Variants in GCN1 observed in about 807,000 individuals in gnomAD.
GCN1 encodes stalled ribosome sensor GCN1.
GCN1 carries 90 observed loss-of-function variants against 288.4 expected under a neutral mutation model. The ratio of observed to expected loss-of-function variants is 0.31; its 90% CI spans 0.26 to 0.37. The LOEUF (loss-of-function observed/expected upper bound fraction) is 0.37. Among genes scored for constraint, GCN1 ranks in the 10% least tolerant of loss-of-function variants. GCN1 has a pLI of 1.00. For missense variants in GCN1, 2,586 were observed against 3,419.9 expected, an observed-to-expected ratio of 0.76 and a Z score of 6.08; for synonymous variants, 1,386 against 1,420.2, an observed-to-expected ratio of 0.98 and a Z score of 0.54.
intron 45 of GCN1, 128 bp from the exon 46 acceptor site, chr12:120,138,984 T>C (rs1175595546): frequency 1.4e-6 from 1 of 738,864 alleles, no homozygotes; most frequent in Non-Finnish European, 2.2e-6. Context: ...TGACTTGTCT[T>C]TTAACTTAAC....
At chr12:120,147,420 A>C in intron 37 of GCN1, 148 bp from the exon 38 acceptor site, 1 of 460,370 alleles carries the variant, frequency 2.2e-6, no homozygotes, top group Non-Finnish European at 3.9e-6. Flanking sequence ...TGGGGAAGAC[A>C]GGAAACCCAC....
At chr12:120,140,716 A>T in intron 45 of GCN1, 143 bp downstream of exon 45, 1 of 718,606 alleles carries the variant, frequency 1.4e-6, no homozygotes, top group Non-Finnish European at 2.2e-6. Context: ...TGGCCCAGCC[A>T]GCACCTCCCC....
rs767722607 is a variant in GCN1, at chr12:120,138,742, C to T, written c.6109G>A (p.Gly2037Ser). The change falls in exon 46 of 58, where the codon GGC (glycine) becomes AGC (serine). Residue 2037 changes from glycine (G) to serine (S), a missense_variant. Transcript: ENST00000300648. The stretch of plus-strand genomic sequence containing the variant: ...AGAATGTCCTCCAGAGCCTGGTGGC[C>T]GATGGTGGAATGCAGCTGCTCGAAA... ...KTFEQLHSTIGHQALEDILPF... is the reference protein window; with the variant it reads ...KTFEQLHSTISHQALEDILPF... 8.7e-6 allele frequency: 14 copies of T among 1,614,088 alleles called. No homozygotes were observed. The highest frequency in any genetic ancestry group is 3.3e-5 in the South Asian group (3 of 91,090).
intron 1 of GCN1, among the ~76,000 whole-genome samples, chr12:120,193,423 A>G (rs1027755870): frequency 3.3e-5 from 5 of 152,058 alleles, no homozygotes; most frequent in African/African-American, 1.2e-4. Flanking sequence ...CTCATGCCTC[A>G]GCCTCCTGAG....
At chr12:120,185,859 A>T (rs1405009218) in intron 2 of GCN1, among the ~76,000 whole-genome samples, 1 of 152,068 alleles carries the variant, frequency 6.6e-6, no homozygotes. Flanking sequence ...TCAGCCTCCC[A>T]AAGTGCTAGG....
rs371411042 is a variant in GCN1 at position 120,131,242 on chromosome 12, G to A, written c.7506C>T (p.Ala2502=). The A allele has an allele frequency of 2.1e-5, 34 of 1,613,968 alleles. No individual in the cohort carries two copies. The highest frequency in any genetic ancestry group is 1.6e-4 in the Middle Eastern group (1 of 6,084). The change falls in exon 55 of 58, where the codon GCC becomes GCT. Residue 2502 remains alanine (A), a synonymous_variant. Coordinates refer to ENST00000300648, the MANE Select transcript of GCN1 (RefSeq NM_006836.2). ...AVNVAPGRLC[A]GRYSSDVQEM... is the part of the protein sequence containing the mutation. ...CCTGAACATCACTGCTATATCTGCC[G>A]GCACAAAGTCTGCCAGGAGCCACAT...
rs747261031 is a variant in GCN1, at chr12:120,190,374, T to C, written c.45A>G (p.Ala15=). 1.2e-6 allele frequency: 2 copies of C among 1,606,818 alleles called. No homozygotes were observed. The highest frequency in any genetic ancestry group is 2.2e-5 in the East Asian group (1 of 44,838). The change falls in exon 2 of 58, where the codon GCA becomes GCG. Residue 15 remains alanine, a synonymous_variant. Transcript: ENST00000300648. ...TQVSETLKRF[A]GKVTTASVKE... ...TTACACTGGCTGTTGTCACCTTCCCTGCAAAACGCTTTAGTGTCTCGGAAA... is the reference window on the plus strand; with the variant it reads ...TTACACTGGCTGTTGTCACCTTCCCCGCAAAACGCTTTAGTGTCTCGGAAA...
At chr12:120,138,086 G>A in intron 47 of GCN1, 42 bp from the exon 48 acceptor site, 1 of 1,562,678 alleles carries the variant, frequency 6.4e-7, no homozygotes. Context: ...TACTGTGCCA[G>A]GTGCTGCGCT....
chr12:120,150,956 G>GA (rs1263136813), intron 34 of GCN1, among the ~76,000 whole-genome samples, 189 bp downstream of exon 34: 2 of 151,358 alleles, frequency 1.3e-5, no homozygotes, highest in Admixed American at 6.6e-5. Context: ...AAACAGAAAA[G>GA]AAAAAAAAAT....
chr12:120,155,738 G>T lies in GCN1; in HGVS notation c.3313-19C>A. ...TCAGCCCCTGGAAGGGGTGGGATTG[G>T]ACCGTGTGAGGCATCATCTTTCAGA... On this transcript the variant is annotated intron_variant, in intron 28 of 57. Coordinates refer to ENST00000300648, the MANE Select transcript of GCN1 (RefSeq NM_006836.2). This position sits in a 1 kb window ranked among gnomAD's most constrained non-coding sequence, Gnocchi z 4.9. 2 of 1,613,426 alleles carry T rather than the reference G, an allele frequency of 1.2e-6. No homozygotes were observed. The highest frequency in any genetic ancestry group is 1.1e-5 in the South Asian group (1 of 91,006).
Position 120,175,145 on chromosome 12 carries a change from A to G in GCN1, c.1093+17T>C, listed in dbSNP as rs751999414. ...TTCTCTCAAAAAAAAAAAAAAAAAA[A>G]AAAAGAAATCCTATACCTGAGAGGA... On this transcript the variant is annotated intron_variant, in intron 12 of 57. Coordinates refer to ENST00000300648, the MANE Select transcript of GCN1 (RefSeq NM_006836.2). 1.1e-5 allele frequency: 17 copies of G among 1,574,334 alleles called. No individual in the cohort carries two copies. The highest frequency in any genetic ancestry group is 8.1e-5 in the South Asian group (7 of 86,486).
At chr12:120,165,002 TACACACAC>T (rs55710290) in intron 16 of GCN1, among the ~76,000 whole-genome samples, 188 of 136,888 alleles carry the variant, frequency 1.4e-3, no homozygotes, top group South Asian at 8.0e-3. Flanking sequence ...TACACATATA[TACACACAC>T]ACACACACAC....
At chr12:120,166,866 T>C (rs1282451956) in intron 16 of GCN1, among the ~76,000 whole-genome samples, 1 of 150,104 alleles carries the variant, frequency 6.7e-6, no homozygotes, top group Non-Finnish European at 1.5e-5. Context: ...ATACAAAAAT[T>C]AGCCAGATGT....
Position 120,147,066 on chromosome 12 carries a change from G to C in GCN1, c.4933C>G (p.Leu1645Val). The C allele has an allele frequency of 3.2e-6, 5 of 1,573,088 alleles. No individual in the cohort carries two copies. Among genetic ancestry groups the C allele is most frequent in the Non-Finnish European group, 4.3e-6 (5 of 1,152,930 alleles). ...AAQIIGNMYSLTDQKDLAPYL... is the reference protein window; with the variant it reads ...AAQIIGNMYSVTDQKDLAPYL... Reference sequence around the variant, plus strand: ...TGGGCCGCTACCTTCTGGTCTGTCAGGGAGTACATGTTGCCAATAATCTGG... The same window carrying C: ...TGGGCCGCTACCTTCTGGTCTGTCACGGAGTACATGTTGCCAATAATCTGG... Residue 1645 changes from leucine (L) to valine (V), a missense_variant, in exon 38 of 58, where the codon CTG (leucine) becomes GTG (valine). By Grantham distance (32) the Leu-to-Val change is conservative. Transcript: ENST00000300648.
intron 13 of GCN1, 120 bp from the exon 14 acceptor site, chr12:120,173,946 C>G (rs1878388594): frequency 9.5e-7 from 1 of 1,049,184 alleles, no homozygotes; most frequent in South Asian, 1.4e-5. Context: ...TTTCAGACAG[C>G]TACGAGCCTT....
At chr12:120,132,189 C>T (rs1437784888) in intron 53 of GCN1, among the ~76,000 whole-genome samples, 167 bp from the exon 54 acceptor site, 1 of 152,182 alleles carries the variant, frequency 6.6e-6, no homozygotes, top group Non-Finnish European at 1.5e-5. Flanking sequence ...TGCTCCCCTG[C>T]CAGATTGGGC....
chr12:120,194,672 C>T lies in GCN1; in HGVS notation c.18+8G>A. On this transcript the variant is annotated splice_region_variant and intron_variant, in intron 1 of 57. Transcript: ENST00000300648. ...TGGCCGCGTTGGCCCCGCAGCCGCC[C>T]GCCTCACCTGCGTGTCCGCCGCCAT... 6.6e-7 allele frequency: 1 copy of T among 1,514,600 alleles called. No individual in the cohort carries two copies. Among genetic ancestry groups the T allele is most frequent in the Non-Finnish European group, 8.8e-7 (1 of 1,137,898 alleles). 93.8% of individuals were successfully genotyped at this position (1,514,600 alleles called of 1,614,324 possible). A position where few individuals can be genotyped will look rare whatever the true frequency, so the allele number is the denominator to read the frequency against.
rs1010962461 is a variant in GCN1, at chr12:120,151,455, G to A, written c.4063-64C>T. 4.5e-6 allele frequency: 7 copies of A among 1,567,082 alleles called. No homozygotes were observed. In the African/African-American group the frequency reaches 8.1e-5, roughly 18 times the overall value. On this transcript the variant is annotated intron_variant, in intron 33 of 57. Transcript: ENST00000300648. ...GCAGCCGTTTCATGGTTGGTGGGGG[G>A]TCTGACCATTCTACACAGCACCCAC... is the stretch of plus-strand genomic sequence containing the variant.
rs760619679 is a variant in GCN1 at position 120,184,902 on chromosome 12, T to A, written c.122-15A>T. 6.3e-7 allele frequency: 1 copy of A among 1,584,528 alleles called. No individual in the cohort carries two copies. The highest frequency in any genetic ancestry group is 1.1e-5 in the South Asian group (1 of 90,468). On this transcript the variant is annotated splice_polypyrimidine_tract_variant and intron_variant, in intron 2 of 57. Coordinates refer to ENST00000300648, the MANE Select transcript of GCN1 (RefSeq NM_006836.2). ...CTCTGGAAGATCTGAAACCAGAGAT[T>A]ACACAGACAGCGGTCAATAAAAATC...
Sources: gnomAD v4.1 joint callset for allele counts (sites outside exome capture counted in the v4.1 genomes callset) on GRCh38, gnomAD v4.1.1 for gene constraint, Gnocchi (gnomAD v3.1) non-coding constraint, MANE v1.5 for transcripts, NCBI Gene and HGNC (gene_info 2026-07-23, HGNC 2026-07-21) for gene names.